MAGI2: variants seen among roughly 807,000 people sequenced by gnomAD.
The protein encoded by MAGI2 is membrane associated guanylate kinase, WW and PDZ domain containing 2.
Under a neutral mutation model 133.3 loss-of-function variants are expected in MAGI2, and 35 were observed. The ratio of observed to expected loss-of-function variants is 0.26; its 90% CI spans 0.20 to 0.35. The LOEUF is 0.35. Among genes scored for constraint, MAGI2 ranks in the 10% least tolerant of loss-of-function variants. The probability of loss-of-function intolerance (pLI) is 1.00; values close to 1 mark genes in which losing one functional copy is unlikely to be tolerated. For missense variants in MAGI2, 1,636 were observed against 1,863.4 expected (o/e 0.88, Z 2.25); for synonymous variants, 729 against 710.6 (o/e 1.03, Z -0.41).
At chr7:78,320,128 A>T (rs1427241488) in intron 9 of MAGI2, among the ~76,000 whole-genome samples, 1 of 152,214 alleles carries the variant, frequency 6.6e-6, no homozygotes, top group Non-Finnish European at 1.5e-5. Context: ...TTGAGGCAGT[A>T]ATAGACTACC....
chr7:78,038,173 T>C (rs541107397), intron 21 of MAGI2, among the ~76,000 whole-genome samples: 20 of 152,354 alleles, frequency 1.3e-4, no homozygotes, highest in Non-Finnish European at 2.6e-4. Flanking sequence ...ATCTGTCTTG[T>C]TCACTGTTGC....
intron 9 of MAGI2, among the ~76,000 whole-genome samples, chr7:78,278,524 T>C (rs1010013013): frequency 3.3e-5 from 5 of 152,158 alleles, no homozygotes; most frequent in African/African-American, 1.2e-4. Context: ...AGGACTGTGA[T>C]GGATAGTTTT....
At chr7:78,538,868 G>A (rs2150660665) in intron 3 of MAGI2, among the ~76,000 whole-genome samples, 1 of 152,056 alleles carries the variant, frequency 6.6e-6, no homozygotes, top group African/African-American at 2.4e-5. Context: ...CAAAAAACAA[G>A]AAACAAAAAA....
intron 1 of MAGI2, among the ~76,000 whole-genome samples, chr7:79,230,758 T>G (rs1831297769): frequency 6.6e-6 from 1 of 152,126 alleles, no homozygotes; most frequent in Non-Finnish European, 1.5e-5. Context: ...TTCACTCTGA[T>G]GGTAGTTTCT....
At chr7:79,089,696 TAACCCTCATTCTCAGCAAACTA>T (rs2129542449) in intron 1 of MAGI2, among the ~76,000 whole-genome samples, 2 of 152,084 alleles carry the variant, frequency 1.3e-5, no homozygotes, top group East Asian at 3.9e-4. Flanking sequence ...CTCAGCAAAC[TAACCCTCATTCTCAGCAAACTA>T]AACCCTCATT....
intron 20 of MAGI2, among the ~76,000 whole-genome samples, chr7:78,096,443 A>G (rs1180753357): frequency 1.3e-5 from 2 of 152,234 alleles, no homozygotes; most frequent in African/African-American, 4.8e-5. Context: ...TTTTCAATAA[A>G]TGTTAGTTAC....
chr7:79,163,235 G>A (rs999407290), intron 1 of MAGI2, among the ~76,000 whole-genome samples: 1 of 152,088 alleles, frequency 6.6e-6, no homozygotes, highest in African/African-American at 2.4e-5. Context: ...GAGTGCAGTG[G>A]CTCAATCTCA....
At chr7:78,372,044 C>T (rs897417845) in intron 6 of MAGI2, among the ~76,000 whole-genome samples, 27 of 127,216 alleles carry the variant, frequency 2.1e-4, no homozygotes, top group African/African-American at 7.6e-4. Context: ...TAAAAATATA[C>T]AACTAATGTT....
rs117043801 is a variant in MAGI2, at chr7:79,292,531, C to T, written c.301+160489G>A. On this transcript the variant is annotated intron_variant, in intron 1 of 21. Coordinates refer to ENST00000354212, the MANE Select transcript of MAGI2 (RefSeq NM_012301.4). ...CCTGTAATCCCAGCTACTCAGGAGGCTAAGGCAAACAGAATCACTTGAACC... is the reference window on the plus strand; with the variant it reads ...CCTGTAATCCCAGCTACTCAGGAGGTTAAGGCAAACAGAATCACTTGAACC... Among the ~76,000 whole-genome samples the T allele has an allele frequency of 4.2e-4, 64 of 151,570 alleles. No individual in the cohort carries two copies. In the East Asian group the frequency reaches 0.012, roughly 28 times the overall value.
At chr7:78,998,030 A>T (rs936820597) in intron 2 of MAGI2, among the ~76,000 whole-genome samples, 13 of 152,108 alleles carry the variant, frequency 8.5e-5, no homozygotes, top group Non-Finnish European at 1.9e-4. Flanking sequence ...TTTCCCATCC[A>T]TTTACTAACG....
chr7:78,288,617 G>A (rs902280449), intron 9 of MAGI2, among the ~76,000 whole-genome samples: 2 of 152,174 alleles, frequency 1.3e-5, no homozygotes, highest in African/African-American at 4.8e-5. Context: ...CTCCCAGCAT[G>A]GAGTTTGAGA....
At chr7:78,899,982 A>G (rs1239952062) in intron 2 of MAGI2, among the ~76,000 whole-genome samples, 1 of 152,206 alleles carries the variant, frequency 6.6e-6, no homozygotes, top group Non-Finnish European at 1.5e-5. Context: ...ATCACACTCA[A>G]GAAGGCCTCC....
intron 1 of MAGI2, among the ~76,000 whole-genome samples, chr7:79,074,591 A>G (rs990278022): frequency 1.3e-5 from 2 of 152,226 alleles, no homozygotes; most frequent in South Asian, 2.1e-4. Flanking sequence ...ACTCAGCTCA[A>G]ATGGTTGGCT....
At chr7:78,855,318 A>G (rs1281846925) in intron 2 of MAGI2, among the ~76,000 whole-genome samples, 2 of 152,104 alleles carry the variant, frequency 1.3e-5, no homozygotes, top group Admixed American at 1.3e-4. Flanking sequence ...GGTTTGTAAC[A>G]TATGTAGACA....
chr7:78,536,794 T>C (rs1797986031), intron 3 of MAGI2, among the ~76,000 whole-genome samples: 1 of 149,536 alleles, frequency 6.7e-6, no homozygotes, highest in Non-Finnish European at 1.5e-5. Flanking sequence ...AGAGTCTTGC[T>C]CTGTCGCCCA....
chr7:79,088,095 T>G (rs144159743), intron 1 of MAGI2, among the ~76,000 whole-genome samples: 2,628 of 152,260 alleles, frequency 0.017, 45 homozygotes, highest in Non-Finnish European at 0.021. Context: ...GTATGGCCAT[T>G]TTCATGATAT....
chr7:78,573,029 A>ATGTATG (rs1801678370), intron 3 of MAGI2, among the ~76,000 whole-genome samples: 1 of 62,958 alleles, frequency 1.6e-5, no homozygotes, highest in Non-Finnish European at 2.6e-5. Flanking sequence ...ATATATGCAT[A>ATGTATG]TGTATGTATA....
intron 21 of MAGI2, among the ~76,000 whole-genome samples, chr7:78,037,923 G>A (rs1233973415): frequency 1.3e-5 from 2 of 152,156 alleles, no homozygotes; most frequent in Non-Finnish European, 2.9e-5. Flanking sequence ...CTGTGTGCAC[G>A]TCTGGAGTCT....
chr7:79,316,951 C>T lies in MAGI2; in HGVS notation c.301+136069G>A, dbSNP rs966741672. Among the ~76,000 whole-genome samples the T allele has an allele frequency of 3.4e-5, 5 of 145,220 alleles. No homozygotes were observed. The East Asian group carries it at 1.0e-3, about 30-fold the overall frequency. ...CTGGATCCAGGAGCCCATGTTCTTTCTACTATAATAAATTACATTTCTAAG... is the reference window on the plus strand; with the variant it reads ...CTGGATCCAGGAGCCCATGTTCTTTTTACTATAATAAATTACATTTCTAAG... On this transcript the variant is annotated intron_variant, in intron 1 of 21. Coordinates refer to ENST00000354212, the MANE Select transcript of MAGI2 (RefSeq NM_012301.4).
Sources: gnomAD v4.1 joint callset for allele counts (sites outside exome capture counted in the v4.1 genomes callset) on GRCh38, gnomAD v4.1.1 for gene constraint, MANE v1.5 for transcripts, NCBI Gene and HGNC (gene_info 2026-07-23, HGNC 2026-07-21) for gene names.